ZMYM4: variants seen among roughly 807,000 people sequenced by gnomAD.
The protein encoded by ZMYM4 is zinc finger MYM-type containing 4, also known as zinc finger MYM-type protein 4.
Under a neutral mutation model 183.2 loss-of-function variants are expected in ZMYM4, and 31 were observed. The ratio of observed to expected loss-of-function variants is 0.17; its 90% confidence interval spans 0.13 to 0.23. ZMYM4 has a LOEUF of 0.23. Among genes scored for constraint, ZMYM4 ranks in the 10% least tolerant of loss-of-function variants. The probability of loss-of-function intolerance (pLI) is 1.00; values close to 1 mark genes in which losing one functional copy is unlikely to be tolerated. For missense variants in ZMYM4, 1,273 were observed against 1,840.3 expected, an observed-to-expected ratio of 0.69 and a Z score of 5.64; for synonymous variants, 592 against 631.2, an observed-to-expected ratio of 0.94 and a Z score of 0.93.
At chr1:35,311,153 C>T (rs1213184795) in intron 1 of ZMYM4, among the ~76,000 whole-genome samples, 1 of 152,076 alleles carries the variant, frequency 6.6e-6, no homozygotes, top group Non-Finnish European at 1.5e-5. Context: ...GGCATTGTGG[C>T]TCACGTCTGT....
In ZMYM4 at chr1:35,304,597, C is replaced by G. The variant is rs542790760; in HGVS notation, c.40-20763C>G. Reference sequence around the variant, plus strand: ...CTCAGCCTCTTAAGAGTACCTGTGACTATAGCGTGTGCCACAATGCCTGGC... The same window carrying G: ...CTCAGCCTCTTAAGAGTACCTGTGAGTATAGCGTGTGCCACAATGCCTGGC... On this transcript the variant is annotated intron_variant, in intron 1 of 29. Transcript: ENST00000314607. Among the ~76,000 whole-genome samples, 4 of 150,748 alleles carry G rather than the reference C, an allele frequency of 2.7e-5. No homozygotes were observed. The South Asian group carries it at 8.5e-4, about 32-fold the overall frequency.
In ZMYM4 at chr1:35,358,959, T is replaced by G; in HGVS notation, c.120T>G (p.Asp40Glu). ...GGIMDTEMSE[D>E]IDHNLTPTLD... ...TCATGGATACAGAAATGTCTGAAGA[T>G]ATAGACCACAACTTAACTCCTACCC... The change falls in exon 3 of 30, where the codon GAT (aspartate) becomes GAG (glutamate). Residue 40 changes from aspartate (D) to glutamate (E), a missense_variant. Asp to Glu is a conservative substitution (Grantham distance 45). This residue lies in a region of ZMYM4 where 384 missense variants were observed against 465.6 expected (regional missense o/e 0.82). Transcript: ENST00000314607. 1 of 1,613,540 alleles carries G rather than the reference T, an allele frequency of 6.2e-7. No homozygotes were observed. The highest frequency in any genetic ancestry group is 8.5e-7 in the Non-Finnish European group (1 of 1,179,630).
At chr1:35,331,835 T>TAAAA (rs1312638812) in intron 2 of ZMYM4, among the ~76,000 whole-genome samples, 6 of 150,468 alleles carry the variant, frequency 4.0e-5, no homozygotes, top group Non-Finnish European at 7.4e-5. Context: ...AATAAATAAA[T>TAAAA]AAAATTGTGG....
chr1:35,380,272 T>A (rs1414878923), intron 7 of ZMYM4, among the ~76,000 whole-genome samples: 1 of 152,114 alleles, frequency 6.6e-6, no homozygotes, highest in Non-Finnish European at 1.5e-5. Flanking sequence ...ATTAGAAAAT[T>A]TCACCAGTTT....
Position 35,284,223 on chromosome 1 carries a change from G to A in ZMYM4, c.39+15138G>A, listed in dbSNP as rs950611315. ...GATCTCCTGACCTCATGATCCACCTGCCTCGGCCTCCCAAAGTGCTGGGAT... is the reference window on the plus strand; with the variant it reads ...GATCTCCTGACCTCATGATCCACCTACCTCGGCCTCCCAAAGTGCTGGGAT... On this transcript the variant is annotated intron_variant, in intron 1 of 29. Coordinates refer to ENST00000314607, the MANE Select transcript of ZMYM4 (RefSeq NM_005095.3). 4.6e-5 allele frequency among the ~76,000 whole-genome samples: 7 copies of A among 152,000 alleles called. No homozygotes were observed. The East Asian group carries it at 5.8e-4, about 13-fold the overall frequency.
chr1:35,325,016 T>A (rs1642445963), intron 1 of ZMYM4, among the ~76,000 whole-genome samples: 1 of 152,154 alleles, frequency 6.6e-6, no homozygotes, highest in African/African-American at 2.4e-5. Context: ...TTTTACATAG[T>A]TCTCGGTGTT....
Position 35,404,167 on chromosome 1 carries a change from T to A in ZMYM4, c.3529-856T>A, listed in dbSNP as rs183142362. On this transcript the variant is annotated intron_variant, in intron 23 of 29. Transcript: ENST00000314607. ...GCAACCTCAACCTCCTGGGCTCAGG[T>A]GATCCTTAAACCTCAGTCTCCCAAG... Among the ~76,000 whole-genome samples, 28 of 152,180 alleles carry A rather than the reference T, an allele frequency of 1.8e-4. No individual in the cohort carries two copies. The East Asian group carries it at 5.0e-3, about 27-fold the overall frequency.
intron 1 of ZMYM4, among the ~76,000 whole-genome samples, chr1:35,295,452 A>G (rs2148728559): frequency 6.6e-6 from 1 of 152,352 alleles, no homozygotes; most frequent in East Asian, 1.9e-4. Context: ...GATCAGGGGA[A>G]TAACAGGTTA....
chr1:35,357,522 T>C (rs1235148553), intron 2 of ZMYM4, among the ~76,000 whole-genome samples: 1 of 152,218 alleles, frequency 6.6e-6, no homozygotes, highest in Non-Finnish European at 1.5e-5. Flanking sequence ...TTTGAAGGTA[T>C]TGTAGAATCC....
At chr1:35,291,276 G>C (rs898757551) in intron 1 of ZMYM4, among the ~76,000 whole-genome samples, 2 of 151,712 alleles carry the variant, frequency 1.3e-5, no homozygotes, top group African/African-American at 2.4e-5. Flanking sequence ...TTTGTGGCTT[G>C]TTTTCACTTT....
chr1:35,285,386 T>C (rs1013150950), intron 1 of ZMYM4, among the ~76,000 whole-genome samples: 1 of 152,170 alleles, frequency 6.6e-6, no homozygotes, highest in Non-Finnish European at 1.5e-5. Flanking sequence ...AGTGTACAAG[T>C]CTTGTGCTTC....
At chr1:35,273,783 A>G (rs1639732268) in intron 1 of ZMYM4, among the ~76,000 whole-genome samples, 1 of 152,194 alleles carries the variant, frequency 6.6e-6, no homozygotes, top group Non-Finnish European at 1.5e-5. Flanking sequence ...GGATATTACC[A>G]CTGATTACCT....
intron 1 of ZMYM4, among the ~76,000 whole-genome samples, chr1:35,314,790 T>C (rs4462103): frequency 0.99 from 147,134 of 148,798 alleles, 72,768 homozygotes; most frequent in Non-Finnish European, 1. Flanking sequence ...TTTGGGAGGC[T>C]GAGGCGGGCG....
intron 15 of ZMYM4, among the ~76,000 whole-genome samples, chr1:35,390,879 T>C (rs1427678393): frequency 2.6e-5 from 4 of 152,136 alleles, no homozygotes; most frequent in Non-Finnish European, 5.9e-5. Flanking sequence ...AAATATACCA[T>C]GTGCAGGCCA....
intron 2 of ZMYM4, among the ~76,000 whole-genome samples, chr1:35,339,407 G>T (rs920084481): frequency 3.3e-5 from 5 of 151,970 alleles, no homozygotes; most frequent in African/African-American, 1.2e-4. Context: ...GTTGATTTTT[G>T]TATTTTTAGT....
intron 2 of ZMYM4, among the ~76,000 whole-genome samples, chr1:35,330,831 T>C (rs1272879358): frequency 2.0e-5 from 3 of 152,220 alleles, no homozygotes; most frequent in Non-Finnish European, 4.4e-5. Context: ...TTTCATTACC[T>C]GTTTCTGTAC....
intron 23 of ZMYM4, 82 bp from the exon 24 acceptor site, chr1:35,404,941 A>C: frequency 1.5e-6 from 2 of 1,374,040 alleles, no homozygotes; most frequent in African/African-American, 2.9e-5. Context: ...ACAAATGTAT[A>C]CCCTTTCCAG....
Position 35,286,417 on chromosome 1 carries a change from T to C in ZMYM4, c.39+17332T>C, listed in dbSNP as rs534694108. Among the ~76,000 whole-genome samples the C allele has an allele frequency of 2.0e-5, 3 of 152,240 alleles. No homozygotes were observed. In the East Asian group the frequency reaches 5.8e-4, roughly 29 times the overall value. ...GAACCAGGCTCATCTATACATACGC[T>C]ACTTCAGACCTGGAATTAACTTGTT... On this transcript the variant is annotated intron_variant, in intron 1 of 29. Coordinates refer to ENST00000314607, the MANE Select transcript of ZMYM4 (RefSeq NM_005095.3).
chr1:35,388,253 G>A (rs1343547643), intron 13 of ZMYM4, among the ~76,000 whole-genome samples: 14 of 152,152 alleles, frequency 9.2e-5, no homozygotes, highest in Admixed American at 9.2e-4. Context: ...CACCCAGGCT[G>A]GAATGCCATG....
Sources: allele counts gnomAD v4.1 joint callset (sites outside exome capture counted in the v4.1 genomes callset), GRCh38; gene constraint gnomAD v4.1.1; regional missense constraint gnomAD v4.1.1; transcripts MANE v1.5; gene names NCBI Gene and HGNC (gene_info 2026-07-23, HGNC 2026-07-21).